The following CATSPER3 variants were observed in gnomAD, a reference collection of about 807,000 sequenced individuals.
CATSPER3 encodes the protein cation channel sperm-associated protein 3.
Under a neutral mutation model 36.6 loss-of-function variants are expected in CATSPER3, and 23 were observed. The observed-to-expected ratio is 0.63, with a 90% CI of 0.45 to 0.89. CATSPER3 has a LOEUF of 0.89. Among genes scored for constraint, CATSPER3 ranks in the 40% least tolerant of loss-of-function variants. The pLI is 0.00. For synonymous variants in CATSPER3, 172 were observed against 184.1 expected, an observed-to-expected ratio of 0.93 and a Z score of 0.53; for missense variants, 474 against 503.9, an observed-to-expected ratio of 0.94 and a Z score of 0.57.
chr5:134,973,041 T>A (rs192169720), intron 2 of CATSPER3, among the ~76,000 whole-genome samples: 18 of 152,252 alleles, frequency 1.2e-4, no homozygotes, highest in Admixed American at 9.8e-4. Flanking sequence ...TCAGAAAAAT[T>A]GACTTTCAAG....
chr5:134,973,425 G>A (rs1751631417), intron 2 of CATSPER3, among the ~76,000 whole-genome samples: 1 of 152,158 alleles, frequency 6.6e-6, no homozygotes, highest in Admixed American at 6.5e-5. Flanking sequence ...TACAGGATAA[G>A]GCAATTGAGT....
intron 7 of CATSPER3, 106 bp downstream of exon 7, chr5:135,010,636 G>C: frequency 1.0e-6 from 1 of 979,680 alleles, no homozygotes; most frequent in Non-Finnish European, 1.6e-6. Context: ...GTGCTGATGG[G>C]CAGTGGGTGG....
At position 135,010,425 on chromosome 5, in the gene CATSPER3, C is replaced by T; in HGVS notation, c.989C>T (p.Thr330Ile). ...GAGCTGGTGGAGAACTTTAAGAAGA[C>T]CTTGAGCCACACTGACCCAATGGTC... ...FSELVENFKK[T>I]LSHTDPMVLD... is the part of the protein sequence containing the mutation. The change falls in exon 7 of 8, where the codon ACC becomes ATC. Residue 330 changes from threonine to isoleucine, a missense_variant. By Grantham distance (89) the Thr-to-Ile change is moderately conservative (BLOSUM62 -1). Coordinates refer to ENST00000282611, the MANE Select transcript of CATSPER3 (RefSeq NM_178019.3). 1.2e-6 allele frequency: 2 copies of T among 1,613,930 alleles called. No homozygotes were observed. The highest frequency in any genetic ancestry group is 1.7e-6 in the Non-Finnish European group (2 of 1,179,764).
At chr5:134,995,868 T>C (rs1376643118) in intron 2 of CATSPER3, 4 of 287,842 alleles carry the variant, frequency 1.4e-5, no homozygotes, top group African/African-American at 8.6e-5. Flanking sequence ...ATTAAGTTAA[T>C]AGATTAAACA....
chr5:135,002,741 G>A (rs527921345), intron 3 of CATSPER3, among the ~76,000 whole-genome samples: 1 of 152,238 alleles, frequency 6.6e-6, no homozygotes, highest in Admixed American at 6.5e-5. Flanking sequence ...CCAGTTGATT[G>A]AATCGGCTAC....
chr5:134,998,829 G>C (rs1751984791), intron 3 of CATSPER3, among the ~76,000 whole-genome samples: 1 of 152,144 alleles, frequency 6.6e-6, no homozygotes, highest in East Asian at 1.9e-4. Flanking sequence ...TTGTCAGATG[G>C]GTAGATTGCA....
At chr5:134,990,879 A>C (rs184957811) in intron 2 of CATSPER3, among the ~76,000 whole-genome samples, 19 of 152,232 alleles carry the variant, frequency 1.2e-4, no homozygotes, top group Admixed American at 1.2e-3. Context: ...ACATACACAC[A>C]AGAGGTATTA....
At chr5:134,998,858 G>A (rs1186364436) in intron 3 of CATSPER3, among the ~76,000 whole-genome samples, 1 of 152,192 alleles carries the variant, frequency 6.6e-6, no homozygotes, top group Non-Finnish European at 1.5e-5. Context: ...CTCCCATTCT[G>A]TAGGTTGCCT....
At chr5:135,003,369 G>A (rs1448755818) in intron 3 of CATSPER3, among the ~76,000 whole-genome samples, 1 of 151,896 alleles carries the variant, frequency 6.6e-6, no homozygotes, top group Non-Finnish European at 1.5e-5. Flanking sequence ...CCCTACTTGG[G>A]GGTGCTTCCC....
At chr5:134,979,241 A>G (rs968537378) in intron 2 of CATSPER3, among the ~76,000 whole-genome samples, 4 of 152,050 alleles carry the variant, frequency 2.6e-5, no homozygotes, top group Admixed American at 2.0e-4. Context: ...GGCTCAAGCA[A>G]TCCTCCCACC....
At chr5:135,005,500 A>G (rs920309655) in intron 3 of CATSPER3, among the ~76,000 whole-genome samples, 59 of 152,144 alleles carry the variant, frequency 3.9e-4, no homozygotes, top group African/African-American at 1.1e-3. Context: ...GACCCTGGAT[A>G]ACATGCCCTC....
chr5:134,976,448 C>T (rs745907673), intron 2 of CATSPER3, among the ~76,000 whole-genome samples: 24 of 152,152 alleles, frequency 1.6e-4, no homozygotes, highest in South Asian at 2.1e-4. Context: ...GGTGGGCTCC[C>T]GGGGCCTTGG....
intron 3 of CATSPER3, among the ~76,000 whole-genome samples, chr5:134,997,681 C>T (rs935257018): frequency 6.6e-5 from 10 of 152,164 alleles, no homozygotes; most frequent in Admixed American, 3.9e-4. Context: ...GCTGTTTTCT[C>T]GGGATGGTCC....
intron 5 of CATSPER3, 109 bp downstream of exon 5, chr5:135,009,090 A>G: frequency 6.8e-7 from 1 of 1,460,824 alleles, no homozygotes; most frequent in Non-Finnish European, 9.6e-7. Flanking sequence ...CTTCCCAATG[A>G]AGTGGAGTAG....
rs543452349 is a variant in CATSPER3, at chr5:134,991,043, C to T, written c.253-5230C>T. ...AAAGAAATTAAGAAAATTATCTTTA[C>T]AAGAGCATCCAAAAGGATAAAATAC... is the stretch of plus-strand genomic sequence containing the variant. On this transcript the variant is annotated intron_variant, in intron 2 of 7. Coordinates refer to ENST00000282611, the MANE Select transcript of CATSPER3 (RefSeq NM_178019.3). Among the ~76,000 whole-genome samples, 9 of 152,168 alleles carry T rather than the reference C, an allele frequency of 5.9e-5. No individual in the cohort carries two copies. In the South Asian group the frequency reaches 1.7e-3, roughly 28 times the overall value.
intron 2 of CATSPER3, among the ~76,000 whole-genome samples, chr5:134,983,639 C>T (rs143256531): frequency 1.3e-3 from 195 of 152,204 alleles, no homozygotes; most frequent in African/African-American, 4.5e-3. Context: ...GGTGGCTATA[C>T]TAATATCAGA....
intron 2 of CATSPER3, among the ~76,000 whole-genome samples, chr5:134,989,595 C>T (rs1751854833): frequency 6.6e-6 from 1 of 152,222 alleles, no homozygotes; most frequent in Non-Finnish European, 1.5e-5. Context: ...CGGCAGCCTC[C>T]TTCTCTCTCT....
intron 2 of CATSPER3, among the ~76,000 whole-genome samples, chr5:134,990,669 A>ATT (rs1751867575): frequency 2.0e-5 from 3 of 152,250 alleles, no homozygotes; most frequent in African/African-American, 7.2e-5. Flanking sequence ...CAGAAACATG[A>ATT]AATAAGCACA....
intron 1 of CATSPER3, chr5:134,969,332 A>G (rs1751572734): frequency 6.3e-6 from 1 of 158,448 alleles, no homozygotes; most frequent in Non-Finnish European, 1.4e-5. Flanking sequence ...CCAGCATTAG[A>G]TCTTATCACA....
Sources: allele counts gnomAD v4.1 joint callset (sites outside exome capture counted in the v4.1 genomes callset), GRCh38; gene constraint gnomAD v4.1.1; transcripts MANE v1.5; gene names NCBI Gene and HGNC (gene_info 2026-07-23, HGNC 2026-07-21).